JARID2: variants seen among roughly 807,000 people sequenced by gnomAD.
The protein encoded by JARID2 is jumonji and AT-rich interaction domain containing 2.
JARID2 carries 21 observed loss-of-function variants against 125.6 expected under a neutral mutation model. The ratio of observed to expected loss-of-function variants is 0.17; its 90% CI spans 0.12 to 0.24. JARID2 has a LOEUF of 0.24. JARID2 is among the 10% of genes least tolerant of loss of function. The probability of loss-of-function intolerance (pLI) is 1.00; values close to 1 mark genes in which losing one functional copy is unlikely to be tolerated. For missense variants in JARID2, 1,303 were observed against 1,639.6 expected (o/e 0.79, Z 3.55); for synonymous variants, 736 against 661.6 (o/e 1.11, Z -1.73).
intron 1 of JARID2, among the ~76,000 whole-genome samples, chr6:15,303,065 A>C (rs1761691847): frequency 6.6e-6 from 1 of 152,176 alleles, no homozygotes; most frequent in Non-Finnish European, 1.5e-5. Context: ...TATTAAGTTA[A>C]ATGACACAGG....
At chr6:15,254,404 G>A (rs1759574040) in intron 1 of JARID2, among the ~76,000 whole-genome samples, 1 of 152,152 alleles carries the variant, frequency 6.6e-6, no homozygotes, top group South Asian at 2.1e-4. Flanking sequence ...GAGCACTGGG[G>A]AAATCATATG....
intron 6 of JARID2, among the ~76,000 whole-genome samples, chr6:15,488,666 G>A (rs1007080666): frequency 1.3e-5 from 2 of 152,106 alleles, no homozygotes; most frequent in Admixed American, 6.5e-5. Context: ...CTCTCTGAAC[G>A]TGAACATGTG....
intron 4 of JARID2, among the ~76,000 whole-genome samples, chr6:15,467,124 G>A (rs930031495): frequency 2.0e-5 from 3 of 152,214 alleles, no homozygotes; most frequent in Non-Finnish European, 4.4e-5. Context: ...AGGGGTTGAA[G>A]GTCCCACATA....
At chr6:15,349,175 G>A (rs1253228029) in intron 1 of JARID2, among the ~76,000 whole-genome samples, 4 of 152,196 alleles carry the variant, frequency 2.6e-5, no homozygotes, top group Non-Finnish European at 4.4e-5. Flanking sequence ...ATTTAGGGGT[G>A]ATGTGGTAGA....
chr6:15,488,394 A>T (rs1243359626), intron 6 of JARID2, among the ~76,000 whole-genome samples: 2 of 152,192 alleles, frequency 1.3e-5, no homozygotes, highest in East Asian at 1.9e-4. Context: ...TCCCCCCTCC[A>T]TTTTAACATC....
chr6:15,508,439 G>C lies in JARID2; in HGVS notation c.2831G>C (p.Gly944Ala). Residue 944 changes from glycine (G) to alanine (A), a missense_variant, in exon 12 of 18, where the codon GGT becomes GCT. This residue lies in a region of JARID2 where 190 missense variants were observed against 341.4 expected (regional missense o/e 0.56). Transcript: ENST00000341776. ...HLPYIDYLHTGADCIWYCIPA... is the reference protein window; with the variant it reads ...HLPYIDYLHTAADCIWYCIPA... ...CCATACATTGACTACTTACACACTG[G>C]TGCTGACTGCATTTGGTGAGTACTG... 6.3e-7 allele frequency: 1 copy of C among 1,584,730 alleles called. No homozygotes were observed. The highest frequency in any genetic ancestry group is 8.7e-7 in the Non-Finnish European group (1 of 1,153,206).
chr6:15,407,183 G>A (rs1327937437), intron 2 of JARID2, among the ~76,000 whole-genome samples: 1 of 152,070 alleles, frequency 6.6e-6, no homozygotes, highest in Non-Finnish European at 1.5e-5. Context: ...TAGGAGGACT[G>A]CTTGAGCCCA....
At chr6:15,488,929 G>T (rs1354839457) in intron 6 of JARID2, among the ~76,000 whole-genome samples, 1 of 152,078 alleles carries the variant, frequency 6.6e-6, no homozygotes, top group Non-Finnish European at 1.5e-5. Context: ...TAACCATTGG[G>T]CCCCGGATTG....
chr6:15,328,659 G>T (rs541856419), intron 1 of JARID2, among the ~76,000 whole-genome samples: 4 of 152,144 alleles, frequency 2.6e-5, no homozygotes, highest in African/African-American at 4.8e-5. Flanking sequence ...CCACAGCCTC[G>T]TTTACTCCAG....
intron 5 of JARID2, among the ~76,000 whole-genome samples, chr6:15,480,506 T>C (rs1404174923): frequency 1.3e-5 from 2 of 152,168 alleles, no homozygotes; most frequent in Non-Finnish European, 1.5e-5. Context: ...TTAGCATGGG[T>C]AATTGGCAAG....
At chr6:15,298,636 T>C (rs1013877155) in intron 1 of JARID2, among the ~76,000 whole-genome samples, 2 of 149,172 alleles carry the variant, frequency 1.3e-5, no homozygotes, top group African/African-American at 4.9e-5. Context: ...GCTGAGATCA[T>C]GCCACTGCAT....
intron 7 of JARID2, among the ~76,000 whole-genome samples, chr6:15,498,673 G>A (rs543010608): frequency 5.9e-5 from 9 of 152,348 alleles, no homozygotes; most frequent in African/African-American, 9.6e-5. Flanking sequence ...TGGAGGTTTC[G>A]TGGTTCCCCT....
At chr6:15,313,081 C>T (rs1762068776) in intron 1 of JARID2, among the ~76,000 whole-genome samples, 1 of 152,172 alleles carries the variant, frequency 6.6e-6, no homozygotes, top group Non-Finnish European at 1.5e-5. Context: ...TTTAAACAAT[C>T]TTCTTGGAAA....
At chr6:15,445,417 A>G (rs191907310) in intron 3 of JARID2, among the ~76,000 whole-genome samples, 125 of 152,230 alleles carry the variant, frequency 8.2e-4, no homozygotes, top group Middle Eastern at 6.9e-3. Context: ...ACAACAAACA[A>G]TGAAGATTGA....
intron 1 of JARID2, among the ~76,000 whole-genome samples, chr6:15,293,313 G>A (rs1761292953): frequency 6.6e-6 from 1 of 152,160 alleles, no homozygotes; most frequent in Admixed American, 6.5e-5. Flanking sequence ...TATTGGGGAG[G>A]CTGTGGCAGG....
chr6:15,367,381 C>T (rs1230644293), intron 1 of JARID2, among the ~76,000 whole-genome samples: 1 of 152,156 alleles, frequency 6.6e-6, no homozygotes, highest in Non-Finnish European at 1.5e-5. Context: ...CAATTGTAGG[C>T]TAGTAATAGA....
intron 1 of JARID2, among the ~76,000 whole-genome samples, chr6:15,356,408 G>A (rs1360457246): frequency 2.0e-5 from 3 of 152,086 alleles, no homozygotes; most frequent in Non-Finnish European, 1.5e-5. Flanking sequence ...CTTCACCAAC[G>A]TCTGCTGTTT....
Position 15,512,471 on chromosome 6 carries a change from T to A in JARID2, c.3135+81T>A. 4.8e-6 allele frequency: 6 copies of A among 1,254,212 alleles called. No individual in the cohort carries two copies. In the South Asian group the frequency reaches 6.4e-5, roughly 13 times the overall value. The allele number at this position is 1,254,212 out of a possible 1,614,324, so 77.7% of individuals were successfully genotyped here. A position where few individuals can be genotyped will look rare whatever the true frequency, so the allele number is the denominator to read the frequency against. On this transcript the variant is annotated intron_variant, in intron 14 of 17. Transcript: ENST00000341776. The stretch of plus-strand genomic sequence containing the variant: ...GCGTGAGCGCACACAGAAGCATCCC[T>A]GCGTGTGCGTGTCTATTTGTCAATA...
chr6:15,473,444 A>G (rs1348238428), intron 5 of JARID2, among the ~76,000 whole-genome samples: 3 of 131,888 alleles, frequency 2.3e-5, no homozygotes, highest in Non-Finnish European at 4.6e-5. Flanking sequence ...TGTCTCATTC[A>G]TCTTTGTCAT....
Sources: allele counts gnomAD v4.1 joint callset (sites outside exome capture counted in the v4.1 genomes callset), GRCh38; gene constraint gnomAD v4.1.1; regional missense constraint gnomAD v4.1.1; transcripts MANE v1.5; gene names NCBI Gene and HGNC (gene_info 2026-07-23, HGNC 2026-07-21).